STAM: variants seen among roughly 807,000 people sequenced by gnomAD.
STAM encodes signal transducing adaptor molecule, also known as signal transducing adapter molecule 1.
A neutral mutation model predicts 63.4 loss-of-function variants in STAM; 16 were observed. The observed-to-expected ratio is 0.25, with a 90% confidence interval of 0.17 to 0.38. The LOEUF is 0.38. Ranked by LOEUF, STAM falls within the 10% of genes least tolerant of loss-of-function variation. The pLI is 1.00. For synonymous variants in STAM, 238 were observed against 223.9 expected, an observed-to-expected ratio of 1.06 and a Z score of -0.56; for missense variants, 636 against 657.1, an observed-to-expected ratio of 0.97 and a Z score of 0.35.
chr10:17,694,419 A>G (rs1332222517), intron 6 of STAM, among the ~76,000 whole-genome samples: 2 of 152,190 alleles, frequency 1.3e-5, no homozygotes, highest in African/African-American at 2.4e-5. Context: ...CAAGAGCGGA[A>G]GAGCAGAAAG....
chr10:17,669,849 C>T (rs2131600725), intron 2 of STAM, among the ~76,000 whole-genome samples: 1 of 151,388 alleles, frequency 6.6e-6, no homozygotes, highest in African/African-American at 2.4e-5. Context: ...AGGCACCCGC[C>T]CCTATGCCCT....
chr10:17,659,119 T>G (rs1834059607), intron 1 of STAM, among the ~76,000 whole-genome samples: 1 of 152,078 alleles, frequency 6.6e-6, no homozygotes, highest in Non-Finnish European at 1.5e-5. Context: ...TAAAATCTTT[T>G]TTTTTTAGTA....
chr10:17,697,268 G>C (rs1382229456), intron 8 of STAM, among the ~76,000 whole-genome samples: 2 of 152,138 alleles, frequency 1.3e-5, no homozygotes, highest in African/African-American at 4.8e-5. Flanking sequence ...AGAGGTCATT[G>C]TAAAAATGCA....
chr10:17,690,847 C>T (rs977095235), intron 5 of STAM, among the ~76,000 whole-genome samples: 12 of 152,228 alleles, frequency 7.9e-5, no homozygotes, highest in South Asian at 2.1e-4. Flanking sequence ...GCACCGCTAC[C>T]GTAGTTGGCT....
At chr10:17,654,465 G>C (rs1296097837) in intron 1 of STAM, among the ~76,000 whole-genome samples, 3 of 151,882 alleles carry the variant, frequency 2.0e-5, no homozygotes, top group African/African-American at 4.8e-5. Flanking sequence ...CTCGTGATCC[G>C]CCCACCTCGG....
intron 9 of STAM, 40 bp downstream of exon 9, chr10:17,700,319 T>C: frequency 4.1e-6 from 6 of 1,460,564 alleles, no homozygotes; most frequent in Non-Finnish European, 5.6e-6. Flanking sequence ...GTACTTTGTA[T>C]TGAAATTTAA....
At chr10:17,703,362 T>C (rs1171767637) in intron 9 of STAM, among the ~76,000 whole-genome samples, 1 of 151,894 alleles carries the variant, frequency 6.6e-6, no homozygotes, top group Non-Finnish European at 1.5e-5. Context: ...CTTATGTCAC[T>C]TTCACTCTCT....
At chr10:17,660,440 T>C in intron 1 of STAM, 24 bp from the exon 2 acceptor site, 1 of 1,492,808 alleles carries the variant, frequency 6.7e-7, no homozygotes, top group African/African-American at 1.4e-5. Flanking sequence ...ATAATGTTTC[T>C]GCAATCCCCT....
intron 1 of STAM, among the ~76,000 whole-genome samples, chr10:17,658,658 T>TG (rs1834039667): frequency 6.6e-6 from 1 of 152,106 alleles, no homozygotes; most frequent in Non-Finnish European, 1.5e-5. Context: ...CTAATTTTTG[T>TG]ATTTTTTTTG....
At chr10:17,697,245 T>G (rs1835801580) in intron 8 of STAM, among the ~76,000 whole-genome samples, 2 of 152,226 alleles carry the variant, frequency 1.3e-5, no homozygotes. Flanking sequence ...TTCTTTTTCA[T>G]ATGTATCTAT....
intron 2 of STAM, among the ~76,000 whole-genome samples, chr10:17,677,859 A>C (rs1834917803): frequency 6.6e-6 from 1 of 152,160 alleles, no homozygotes; most frequent in African/African-American, 2.4e-5. Flanking sequence ...ATAATTATTA[A>C]AAAGGATTTT....
At chr10:17,692,109 G>C (rs1320256651) in intron 5 of STAM, among the ~76,000 whole-genome samples, 1 of 152,084 alleles carries the variant, frequency 6.6e-6, no homozygotes, top group East Asian at 1.9e-4. Flanking sequence ...TGCTATTATC[G>C]TAGTCATTTT....
chr10:17,714,996 A>T lies in STAM; in HGVS notation c.*216A>T. On this transcript the variant is annotated 3_prime_UTR_variant, in exon 14 of 14. Transcript: ENST00000377524. ...CCTGCAGAGGAATGAAACTACTTAC[A>T]ACATTTAATTCCTTTCATAATATGA... 1.8e-6 allele frequency: 1 copy of T among 552,372 alleles called. No individual in the cohort carries two copies. Among genetic ancestry groups the T allele is most frequent in the Non-Finnish European group, 3.3e-6 (1 of 307,236 alleles). 34.2% of individuals were successfully genotyped at this position (552,372 alleles called of 1,614,324 possible).
At chr10:17,669,295 G>C (rs1161094688) in intron 2 of STAM, among the ~76,000 whole-genome samples, 4 of 149,458 alleles carry the variant, frequency 2.7e-5, no homozygotes, top group Non-Finnish European at 5.9e-5. Flanking sequence ...AACACATTCT[G>C]CTACCACATG....
chr10:17,687,408 C>G (rs375508475), intron 4 of STAM, among the ~76,000 whole-genome samples: 3 of 152,076 alleles, frequency 2.0e-5, no homozygotes, highest in East Asian at 1.9e-4. Context: ...TCCCCCACCC[C>G]CCTCTGGGAG....
At chr10:17,662,611 A>C (rs925012123) in intron 2 of STAM, among the ~76,000 whole-genome samples, 38 of 152,218 alleles carry the variant, frequency 2.5e-4, no homozygotes, top group Non-Finnish European at 4.7e-4. Flanking sequence ...TTAGTGGTGG[A>C]GATCATGTAC....
rs1836726226 is a variant in STAM, at chr10:17,714,648, G to A, written c.1491G>A (p.Leu497=). The A allele has an allele frequency of 6.2e-7, 1 of 1,614,002 alleles. No individual in the cohort carries two copies. Among genetic ancestry groups the A allele is most frequent in the African/African-American group, 1.3e-5 (1 of 74,892 alleles). The change falls in exon 14 of 14, where the codon CTG becomes CTA. Residue 497 remains leucine (L), a synonymous_variant. Transcript: ENST00000377524. The part of the protein sequence containing the change: ...TAAAATADVT[L]YQNAGPNMPQ... ...CTGCTGCAACTGCCGATGTCACTCT[G>A]TACCAGAATGCAGGACCTAATATGC...
In STAM at chr10:17,680,146, G is replaced by A. The variant is rs573394204; in HGVS notation, c.126-4529G>A. On this transcript the variant is annotated intron_variant, in intron 2 of 13. Transcript: ENST00000377524. Reference sequence around the variant, plus strand: ...TTGGGTTTCCTTGCTCTTTTTCCTCGTTTCTTAAGGTATAATCTTAGGTTA... The same window carrying A: ...TTGGGTTTCCTTGCTCTTTTTCCTCATTTCTTAAGGTATAATCTTAGGTTA... 5.6e-4 allele frequency among the ~76,000 whole-genome samples: 84 copies of A among 151,152 alleles called. 1 individual carries two copies. In the South Asian group the frequency reaches 0.013, roughly 23 times the overall value.
At chr10:17,664,354 G>C (rs556542406) in intron 2 of STAM, among the ~76,000 whole-genome samples, 1 of 151,958 alleles carries the variant, frequency 6.6e-6, no homozygotes, top group Non-Finnish European at 1.5e-5. Flanking sequence ...TCACATGCCC[G>C]CTGTCTGTCT....
Sources: gnomAD v4.1 joint callset for allele counts (sites outside exome capture counted in the v4.1 genomes callset) on GRCh38, gnomAD v4.1.1 for gene constraint, MANE v1.5 for transcripts, NCBI Gene and HGNC (gene_info 2026-07-23, HGNC 2026-07-21) for gene names.